Variants in TWIST2 observed in about 807,000 individuals in gnomAD.
TWIST2 encodes the protein twist-related protein 2.
Under a neutral mutation model 11.6 loss-of-function variants are expected in TWIST2, and 1 was observed. The ratio of observed to expected loss-of-function variants is 0.09; its 90% CI spans 0.03 to 0.41. TWIST2 has a LOEUF of 0.41. Ranked by LOEUF, TWIST2 falls within the 10% of genes least tolerant of loss-of-function variation. The probability of loss-of-function intolerance (pLI) is 0.98; values close to 1 mark genes in which losing one functional copy is unlikely to be tolerated. For missense variants in TWIST2, 168 were observed against 226.4 expected (o/e 0.74, Z 1.66); for synonymous variants, 87 against 96.6 (o/e 0.90, Z 0.58).
At position 238,903,254 on chromosome 2, in the gene TWIST2, G is replaced by A. The variant is rs1355515011; in HGVS notation, c.*36-6588G>A. ...GGTGTGGAATGGGTGTGTGTGAGATGTAGTGTGTGTGCGATGTGGGGTGTG... is the reference window on the plus strand; with the variant it reads ...GGTGTGGAATGGGTGTGTGTGAGATATAGTGTGTGTGCGATGTGGGGTGTG... On this transcript the variant is annotated intron_variant, in intron 1 of 1. Transcript: ENST00000612363. Among the ~76,000 whole-genome samples, 5 of 148,374 alleles carry A rather than the reference G, an allele frequency of 3.4e-5. No homozygotes were observed. The East Asian group carries it at 1.0e-3, about 31-fold the overall frequency.
chr2:238,906,268 A>G (rs1693353090), intron 1 of TWIST2, among the ~76,000 whole-genome samples: 1 of 152,080 alleles, frequency 6.6e-6, no homozygotes, highest in African/African-American at 2.4e-5. Context: ...ACCCACACAA[A>G]AACATGCACA....
intron 1 of TWIST2, among the ~76,000 whole-genome samples, chr2:238,856,251 T>TA (rs1214202196): frequency 3.3e-5 from 5 of 152,240 alleles, no homozygotes; most frequent in Non-Finnish European, 5.9e-5. Flanking sequence ...AAGGGCATTT[T>TA]ACTGGGTGTT....
chr2:238,851,458 T>G (rs1461402649), intron 1 of TWIST2, among the ~76,000 whole-genome samples: 2 of 152,196 alleles, frequency 1.3e-5, no homozygotes, highest in Non-Finnish European at 2.9e-5. Flanking sequence ...TGGGGGAAGG[T>G]GACCATTACT....
intron 1 of TWIST2, among the ~76,000 whole-genome samples, chr2:238,858,639 G>A (rs1399934768): frequency 2.0e-5 from 3 of 152,244 alleles, no homozygotes; most frequent in African/African-American, 4.8e-5. Context: ...GCAAGTCATG[G>A]CCTCTCTGGG....
At position 238,884,952 on chromosome 2, in the gene TWIST2, G is replaced by A. The variant is rs113513843; in HGVS notation, c.*36-24890G>A. On this transcript the variant is annotated intron_variant, in intron 1 of 1. Coordinates refer to ENST00000612363, the MANE Select transcript of TWIST2 (RefSeq NM_001271893.4). The stretch of plus-strand genomic sequence containing the variant: ...AGTGGTGTGGGTAAGGGGCAGAGCA[G>A]GCCAGGGGCATCAGTGGAGCGTCCC... Among the ~76,000 whole-genome samples, 452 of 152,352 alleles carry A rather than the reference G, an allele frequency of 3.0e-3. 2 individuals are homozygous for A. The highest frequency in any genetic ancestry group is 0.01 in the African/African-American group (417 of 41,572).
At chr2:238,908,436 TAC>T (rs1222053951) in intron 1 of TWIST2, among the ~76,000 whole-genome samples, 7 of 149,730 alleles carry the variant, frequency 4.7e-5, no homozygotes, top group African/African-American at 9.9e-5. Context: ...ACATACCACA[TAC>T]ACACACATGC....
intron 1 of TWIST2, among the ~76,000 whole-genome samples, chr2:238,862,287 C>T (rs1324912030): frequency 6.6e-6 from 1 of 152,084 alleles, no homozygotes; most frequent in African/African-American, 2.4e-5. Flanking sequence ...AAAACTATGA[C>T]AATCAAAAAT....
At chr2:238,897,284 T>C (rs1438991491) in intron 1 of TWIST2, among the ~76,000 whole-genome samples, 2 of 152,130 alleles carry the variant, frequency 1.3e-5, no homozygotes, top group African/African-American at 4.8e-5. Context: ...GCTTTTGCTG[T>C]TTCCCTTGTG....
chr2:238,896,640 C>G (rs1448003864), intron 1 of TWIST2, among the ~76,000 whole-genome samples: 6 of 152,160 alleles, frequency 3.9e-5, no homozygotes, highest in Admixed American at 3.3e-4. Context: ...CAGCAGACAC[C>G]CATCAATCCT....
intron 1 of TWIST2, among the ~76,000 whole-genome samples, chr2:238,891,471 T>A (rs975780818): frequency 6.6e-6 from 1 of 152,238 alleles, no homozygotes; most frequent in African/African-American, 2.4e-5. Context: ...TGGACTTCTG[T>A]GTCTCTGTGT....
At chr2:238,884,230 G>T (rs1422245589) in intron 1 of TWIST2, among the ~76,000 whole-genome samples, 1 of 152,210 alleles carries the variant, frequency 6.6e-6, no homozygotes, top group East Asian at 1.9e-4. Flanking sequence ...CCAGTGGGCT[G>T]CCAAGTCTGC....
intron 1 of TWIST2, among the ~76,000 whole-genome samples, chr2:238,907,980 A>C (rs964240368): frequency 1.0e-4 from 15 of 147,190 alleles, no homozygotes; most frequent in South Asian, 4.4e-4. Flanking sequence ...CTACACACAC[A>C]CCCCACATTG....
At chr2:238,900,400 A>C (rs1693255073) in intron 1 of TWIST2, among the ~76,000 whole-genome samples, 1 of 152,112 alleles carries the variant, frequency 6.6e-6, no homozygotes, top group East Asian at 1.9e-4. Context: ...CCCCCAGTTG[A>C]CTGTGGGCCT....
chr2:238,882,304 C>T (rs529955339), intron 1 of TWIST2, among the ~76,000 whole-genome samples: 35 of 152,302 alleles, frequency 2.3e-4, no homozygotes, highest in Middle Eastern at 3.4e-3. Flanking sequence ...GAGTCCCTGG[C>T]CTCTTTCCAG....
At chr2:238,858,922 A>G (rs1474941631) in intron 1 of TWIST2, among the ~76,000 whole-genome samples, 1 of 152,184 alleles carries the variant, frequency 6.6e-6, no homozygotes, top group Admixed American at 6.5e-5. Flanking sequence ...AGCCATAAAA[A>G]CAAATGAGGT....
chr2:238,873,630 C>T (rs1216378516), intron 1 of TWIST2, among the ~76,000 whole-genome samples: 2 of 152,120 alleles, frequency 1.3e-5, no homozygotes, highest in Admixed American at 6.5e-5. Context: ...GAATACACAA[C>T]GGGCAGGTGG....
chr2:238,869,190 C>T (rs186480574), intron 1 of TWIST2, among the ~76,000 whole-genome samples: 11 of 152,248 alleles, frequency 7.2e-5, no homozygotes, highest in East Asian at 3.9e-4. Context: ...GGTCCAAGTG[C>T]GGTGAGGAGT....
At chr2:238,854,568 G>A (rs1692297024) in intron 1 of TWIST2, among the ~76,000 whole-genome samples, 1 of 152,200 alleles carries the variant, frequency 6.6e-6, no homozygotes, top group Admixed American at 6.5e-5. Context: ...GCTGTGAGAG[G>A]GGAGGGTTAG....
chr2:238,905,948 C>T (rs1326810989), intron 1 of TWIST2, among the ~76,000 whole-genome samples: 65 of 110,426 alleles, frequency 5.9e-4, no homozygotes, highest in East Asian at 1.4e-3. Context: ...TGTGTGCGCG[C>T]GCGTGTGTAC....
Sources: allele counts gnomAD v4.1 joint callset (sites outside exome capture counted in the v4.1 genomes callset), GRCh38; gene constraint gnomAD v4.1.1; transcripts MANE v1.5; gene names NCBI Gene and HGNC (gene_info 2026-07-23, HGNC 2026-07-21).